Variants in PAK1 observed in about 807,000 individuals in gnomAD.
The protein encoded by PAK1 is p21 (RAC1) activated kinase 1.
A neutral mutation model predicts 67.4 loss-of-function variants in PAK1; 29 were observed. That is an observed-to-expected ratio of 0.43 (90% CI 0.32 to 0.59). The LOEUF (loss-of-function observed/expected upper bound fraction) is 0.59, where lower values mean the gene tolerates loss of function less well. PAK1 is among the 20% of genes least tolerant of loss of function. The probability of loss-of-function intolerance (pLI) is 0.07; values close to 1 mark genes in which losing one functional copy is unlikely to be tolerated. For synonymous variants in PAK1, 223 were observed against 237.4 expected (o/e 0.94, Z 0.56); for missense variants, 337 against 670.7 (o/e 0.50, Z 5.50).
chr11:77,346,768 A>G (rs1944486779), intron 9 of PAK1, among the ~76,000 whole-genome samples: 1 of 152,174 alleles, frequency 6.6e-6, no homozygotes, highest in South Asian at 2.1e-4. Context: ...CAAAGTAAGA[A>G]TCATGATCTG....
the PAK1 span, among the ~76,000 whole-genome samples, chr11:77,511,894 A>G: frequency 3.3e-5 from 5 of 152,208 alleles, no homozygotes; most frequent in Admixed American, 2.6e-4. Context: ...TGCAATATGC[A>G]TAACAAGGAA....
chr11:77,327,656 A>C (rs1940348787), intron 14 of PAK1, among the ~76,000 whole-genome samples: 2 of 152,242 alleles, frequency 1.3e-5, no homozygotes, highest in Non-Finnish European at 1.5e-5. Flanking sequence ...GAAAGGAACA[A>C]CCAGTACCAG....
intron 8 of PAK1, 140 bp downstream of exon 8, chr11:77,353,396 A>AT: frequency 1.6e-6 from 1 of 635,426 alleles, no homozygotes; most frequent in East Asian, 2.7e-5. Flanking sequence ...TCAGTCTCAC[A>AT]TAACAACTCC....
At chr11:77,380,364 A>G (rs918348361) in intron 2 of PAK1, among the ~76,000 whole-genome samples, 1 of 152,144 alleles carries the variant, frequency 6.6e-6, no homozygotes, top group Non-Finnish European at 1.5e-5. Flanking sequence ...ATGGTGGTGC[A>G]TGCCTGTAAT....
chr11:77,373,051 G>A (rs536547565), intron 5 of PAK1, among the ~76,000 whole-genome samples: 97 of 152,336 alleles, frequency 6.4e-4, no homozygotes, highest in African/African-American at 2.2e-3. Context: ...CAGGAATCAT[G>A]AAGAACTGGC....
At chr11:77,379,141 A>T in intron 4 of PAK1, 100 bp downstream of exon 4, 3 of 1,021,314 alleles carry the variant, frequency 2.9e-6, no homozygotes, top group South Asian at 1.8e-5. Context: ...CACTCTTTCC[A>T]CTACTTTCTT....
At chr11:77,514,078 C>T in the PAK1 span, among the ~76,000 whole-genome samples, 2 of 152,054 alleles carry the variant, frequency 1.3e-5, no homozygotes, top group Non-Finnish European at 2.9e-5. Context: ...TGATTTGAAC[C>T]CATAATTTGG....
At chr11:77,325,145 G>C (rs1939475076) in intron 14 of PAK1, among the ~76,000 whole-genome samples, 1 of 152,176 alleles carries the variant, frequency 6.6e-6, no homozygotes, top group Non-Finnish European at 1.5e-5. Flanking sequence ...CCTAAGTTGA[G>C]AGCAGCATGA....
At chr11:77,342,100 GC>G (rs1186081261) in intron 10 of PAK1, among the ~76,000 whole-genome samples, 1 of 152,188 alleles carries the variant, frequency 6.6e-6, no homozygotes, top group Admixed American at 6.5e-5. Context: ...TGAGGGTTCT[GC>G]CCATGAGTTC....
intron 7 of PAK1, among the ~76,000 whole-genome samples, chr11:77,355,458 A>G (rs746523530): frequency 5.9e-5 from 9 of 151,956 alleles, no homozygotes; most frequent in Non-Finnish European, 8.8e-5. Context: ...AGCTATCCAC[A>G]CTCTCACCAC....
intron 12 of PAK1, 38 bp downstream of exon 12, chr11:77,337,286 G>A (rs1215722889): frequency 1.5e-5 from 16 of 1,068,890 alleles, no homozygotes; most frequent in African/African-American, 1.1e-4. Flanking sequence ...GGGCCCCACA[G>A]GCAGAGAAGT....
intron 1 of PAK1, among the ~76,000 whole-genome samples, chr11:77,396,524 A>G: frequency 6.6e-6 from 1 of 152,250 alleles, no homozygotes; most frequent in Non-Finnish European, 1.5e-5. Flanking sequence ...GGCACAGAAC[A>G]GGTAATCAAT....
chr11:77,442,650 C>G (rs71469558), intron 1 of PAK1, among the ~76,000 whole-genome samples: 2 of 152,168 alleles, frequency 1.3e-5, no homozygotes, highest in East Asian at 1.9e-4. Context: ...CCCAGCCACT[C>G]TAAGATTCCT....
At chr11:77,505,851 G>C in the PAK1 span, among the ~76,000 whole-genome samples, 2 of 152,198 alleles carry the variant, frequency 1.3e-5, no homozygotes, top group African/African-American at 4.8e-5. Context: ...GTGACAAGAA[G>C]TGTGAACAGT....
intron 1 of PAK1, among the ~76,000 whole-genome samples, chr11:77,431,939 C>CA (rs1955880060): frequency 6.6e-6 from 1 of 152,148 alleles, no homozygotes; most frequent in Non-Finnish European, 1.5e-5. Context: ...AACTGTTTAT[C>CA]ACACATCAAC....
intron 1 of PAK1, among the ~76,000 whole-genome samples, chr11:77,405,048 A>G (rs908849967): frequency 2.0e-4 from 30 of 152,248 alleles, no homozygotes; most frequent in African/African-American, 6.8e-4. Flanking sequence ...TCTCTGAGAA[A>G]CAGTTACTTA....
chr11:77,516,804 A>G, the PAK1 span, among the ~76,000 whole-genome samples: 1 of 143,032 alleles, frequency 7.0e-6, no homozygotes, highest in East Asian at 2.2e-4. Flanking sequence ...GGAATTCAAG[A>G]CCAGCCTGGG....
the PAK1 span, among the ~76,000 whole-genome samples, chr11:77,488,184 C>G: frequency 1.3e-5 from 2 of 152,214 alleles, no homozygotes; most frequent in Non-Finnish European, 2.9e-5. Flanking sequence ...AAGGCACTAC[C>G]TCTATGAGTC....
Position 77,429,816 on chromosome 11 carries a change from T to C in PAK1, c.-21-37275A>G, listed in dbSNP as rs151044170. ...TTGAATGGGTATGAGGATTAGATAA[T>C]AGTAATGTAACAGTGTTTATTTCCT... On this transcript the variant is annotated intron_variant, in intron 1 of 14. Coordinates refer to ENST00000356341, the MANE Select transcript of PAK1 (RefSeq NM_002576.5). 1.9e-4 allele frequency among the ~76,000 whole-genome samples: 29 copies of C among 152,316 alleles called. No homozygotes were observed. The East Asian group carries it at 5.0e-3, about 26-fold the overall frequency.
Sources: allele counts gnomAD v4.1 joint callset (sites outside exome capture counted in the v4.1 genomes callset), GRCh38; gene constraint gnomAD v4.1.1; transcripts MANE v1.5; gene names NCBI Gene and HGNC (gene_info 2026-07-23, HGNC 2026-07-21).